PRKCH: variants seen among roughly 807,000 people sequenced by gnomAD.
The protein encoded by PRKCH is protein kinase C eta, also known as protein kinase C eta type.
Under a neutral mutation model 82.5 loss-of-function variants are expected in PRKCH, and 28 were observed. The ratio of observed to expected loss-of-function variants is 0.34; its 90% CI spans 0.25 to 0.47. The LOEUF is 0.47. Among genes scored for constraint, PRKCH ranks in the 20% least tolerant of loss-of-function variants. The pLI is 1.00. For synonymous variants in PRKCH, 322 were observed against 327.4 expected (o/e 0.98, Z 0.18); for missense variants, 705 against 881.8 (o/e 0.80, Z 2.54).
At chr14:61,415,486 T>C (rs952297348) in intron 2 of PRKCH, among the ~76,000 whole-genome samples, 2 of 152,218 alleles carry the variant, frequency 1.3e-5, no homozygotes, top group African/African-American at 4.8e-5. Flanking sequence ...GGTTAGCCAT[T>C]GAAGGATGAA....
chr14:61,395,090 G>T (rs570315175), intron 2 of PRKCH, among the ~76,000 whole-genome samples: 22 of 152,188 alleles, frequency 1.4e-4, no homozygotes, highest in African/African-American at 5.3e-4. Flanking sequence ...TTTTAATATT[G>T]AAATCTACGG....
At chr14:61,523,430 T>C (rs2042929603) in intron 10 of PRKCH, among the ~76,000 whole-genome samples, 1 of 152,180 alleles carries the variant, frequency 6.6e-6, no homozygotes, top group African/African-American at 2.4e-5. Context: ...GTGACACTGC[T>C]ACATAGAAGG....
chr14:61,402,281 T>A (rs775626798), intron 2 of PRKCH, among the ~76,000 whole-genome samples: 18 of 152,366 alleles, frequency 1.2e-4, no homozygotes, highest in African/African-American at 4.3e-4. Context: ...GTATATTAAT[T>A]TAAAGTATGA....
chr14:61,427,070 C>T (rs1883143463), intron 2 of PRKCH, among the ~76,000 whole-genome samples: 1 of 152,036 alleles, frequency 6.6e-6, no homozygotes. Flanking sequence ...TGATTTTATA[C>T]ATTTCAGAGG....
intron 1 of PRKCH, among the ~76,000 whole-genome samples, chr14:61,388,639 G>A (rs923460404): frequency 6.6e-5 from 10 of 152,118 alleles, no homozygotes; most frequent in African/African-American, 2.4e-4. Context: ...GAGGGAGTGT[G>A]GCTTTTAAAA....
At chr14:61,405,322 G>A (rs969888825) in intron 2 of PRKCH, among the ~76,000 whole-genome samples, 8 of 151,862 alleles carry the variant, frequency 5.3e-5, no homozygotes, top group African/African-American at 1.7e-4. Flanking sequence ...TCTTATTTGA[G>A]CACCTCACTC....
At chr14:61,371,192 C>G (rs938546234) in intron 1 of PRKCH, among the ~76,000 whole-genome samples, 1 of 152,026 alleles carries the variant, frequency 6.6e-6, no homozygotes, top group African/African-American at 2.4e-5. Context: ...TTTAGTATTA[C>G]AGAGAAACTG....
intron 10 of PRKCH, among the ~76,000 whole-genome samples, chr14:61,491,043 C>G (rs1886430568): frequency 6.6e-6 from 1 of 152,190 alleles, no homozygotes; most frequent in African/African-American, 2.4e-5. Context: ...GTGGCAATCT[C>G]TCTCTGATTC....
At chr14:61,296,801 T>C (rs367869192) in intron 1 of PRKCH, among the ~76,000 whole-genome samples, 2 of 152,218 alleles carry the variant, frequency 1.3e-5, no homozygotes, top group East Asian at 1.9e-4. Flanking sequence ...TGAGGAACCC[T>C]ATGTATTATA....
intron 1 of PRKCH, among the ~76,000 whole-genome samples, chr14:61,264,723 C>T (rs1469215507): frequency 6.6e-6 from 1 of 152,212 alleles, no homozygotes; most frequent in Non-Finnish European, 1.5e-5. Flanking sequence ...CTGGCCCCAT[C>T]TGGAATCTTT....
At position 61,475,419 on chromosome 14, in the gene PRKCH, C is replaced by T. The variant is rs560234818; in HGVS notation, c.1279-10083C>T. Among the ~76,000 whole-genome samples the T allele has an allele frequency of 4.6e-5, 7 of 152,342 alleles. 1 individual carries two copies. In the East Asian group the frequency reaches 5.8e-4, roughly 13 times the overall value. ...AGGAGGTTTGTTCAAACGTTCTTCT[C>T]GACCACTAGGGGGTGCTCTAAAGGT... On this transcript the variant is annotated intron_variant, in intron 9 of 13. Transcript: ENST00000332981.
At chr14:61,445,869 A>G (rs1038903410) in intron 4 of PRKCH, 143 bp downstream of exon 4, 1 of 830,964 alleles carries the variant, frequency 1.2e-6, no homozygotes, top group Non-Finnish European at 1.9e-6. Context: ...TGTAGATACA[A>G]CTCTTTAGTT....
At chr14:61,201,947 C>G (rs932313887) in intron 1 of PRKCH, among the ~76,000 whole-genome samples, 4 of 152,142 alleles carry the variant, frequency 2.6e-5, no homozygotes, top group African/African-American at 9.7e-5. Context: ...GATTTTTACT[C>G]TTTATTTTAT....
At chr14:61,375,653 C>G (rs114708507) in intron 1 of PRKCH, among the ~76,000 whole-genome samples, 1 of 151,908 alleles carries the variant, frequency 6.6e-6, no homozygotes, top group Non-Finnish European at 1.5e-5. Context: ...ACAACCAGAT[C>G]TCGTGAGAAC....
intron 9 of PRKCH, among the ~76,000 whole-genome samples, chr14:61,474,662 A>T (rs989164412): frequency 6.6e-6 from 1 of 152,204 alleles, no homozygotes; most frequent in Non-Finnish European, 1.5e-5. Flanking sequence ...CTATGTAACA[A>T]ACCTGCACGT....
At chr14:61,260,985 A>G (rs1440493680) in intron 1 of PRKCH, among the ~76,000 whole-genome samples, 2 of 152,156 alleles carry the variant, frequency 1.3e-5, no homozygotes, top group Non-Finnish European at 2.9e-5. Flanking sequence ...ACTCATTGTC[A>G]ACTAATTATC....
At chr14:61,326,604 T>C (rs937978099) in intron 1 of PRKCH, among the ~76,000 whole-genome samples, 1 of 152,220 alleles carries the variant, frequency 6.6e-6, no homozygotes, top group East Asian at 1.9e-4. Flanking sequence ...TGAATAAAGC[T>C]GTGGGGAAAA....
At chr14:61,235,630 A>T (rs1373834792) in intron 1 of PRKCH, among the ~76,000 whole-genome samples, 26 of 152,228 alleles carry the variant, frequency 1.7e-4, no homozygotes, top group Admixed American at 1.7e-3. Flanking sequence ...CCAAAATACA[A>T]TCAGGCAAAA....
intron 10 of PRKCH, among the ~76,000 whole-genome samples, chr14:61,500,180 G>C (rs192670517): frequency 6.6e-6 from 1 of 151,586 alleles, no homozygotes; most frequent in East Asian, 1.9e-4. Flanking sequence ...TGTTATTATA[G>C]CTCATGTTAC....
Sources: gnomAD v4.1 joint callset for allele counts (sites outside exome capture counted in the v4.1 genomes callset) on GRCh38, gnomAD v4.1.1 for gene constraint, MANE v1.5 for transcripts, NCBI Gene and HGNC (gene_info 2026-07-23, HGNC 2026-07-21) for gene names.